RSRC1: variants seen among roughly 807,000 people sequenced by gnomAD.
RSRC1 encodes arginine and serine rich coiled-coil 1.
A neutral mutation model predicts 49.1 loss-of-function variants in RSRC1; 39 were observed. That is an observed-to-expected ratio of 0.79 (90% CI 0.61 to 1.04). The LOEUF is 1.04. Among genes scored for constraint, RSRC1 ranks in the 50% least tolerant of loss-of-function variants. The probability of loss-of-function intolerance (pLI) is 0.00; values close to 1 mark genes in which losing one functional copy is unlikely to be tolerated. For synonymous variants in RSRC1, 143 were observed against 130.8 expected, an observed-to-expected ratio of 1.09 and a Z score of -0.63; for missense variants, 388 against 402.4, an observed-to-expected ratio of 0.96 and a Z score of 0.31.
chr3:158,170,959 A>C (rs1225181083), intron 3 of RSRC1, among the ~76,000 whole-genome samples: 1 of 152,026 alleles, frequency 6.6e-6, no homozygotes, highest in African/African-American at 2.4e-5. Flanking sequence ...GGTAGCTCAG[A>C]CTCCAAGAAA....
At chr3:158,124,129 G>T (rs886466974) in intron 3 of RSRC1, 138 bp downstream of exon 3, 13 of 512,608 alleles carry the variant, frequency 2.5e-5, no homozygotes, top group Non-Finnish European at 9.5e-6. Context: ...CTCACCTGGG[G>T]TCATTCATGC....
intron 4 of RSRC1, among the ~76,000 whole-genome samples, chr3:158,287,587 ATTG>A (rs1373200155): frequency 6.6e-6 from 1 of 152,182 alleles, no homozygotes; most frequent in Non-Finnish European, 1.5e-5. Flanking sequence ...AAGTTAGCTT[ATTG>A]TTCATCTGTA....
Position 158,543,395 on chromosome 3 carries a change from G to C in RSRC1, c.820G>C (p.Ala274Pro). Residue 274 changes from alanine (A) to proline (P), a missense_variant, in exon 9 of 10, where the codon GCT becomes CCT. Coordinates refer to ENST00000611884, the MANE Select transcript of RSRC1 (RefSeq NM_001271838.2). ...TSTSGPASAV[A>P]DPPSTEKEID... ...AACATCAGGACCAGCATCAGCAGTT[G>C]CTGATCCACCCAGTACTGAAAAAGA... 1.2e-6 allele frequency: 2 copies of C among 1,601,786 alleles called. No individual in the cohort carries two copies. Among genetic ancestry groups the C allele is most frequent in the Non-Finnish European group, 1.7e-6 (2 of 1,174,750 alleles).
intron 6 of RSRC1, among the ~76,000 whole-genome samples, chr3:158,389,420 G>C (rs1733151180): frequency 6.6e-6 from 1 of 152,142 alleles, no homozygotes; most frequent in South Asian, 2.1e-4. Context: ...TATTCAGCTA[G>C]ATATTGTCAA....
chr3:158,444,707 C>G (rs1736591159), intron 6 of RSRC1, among the ~76,000 whole-genome samples: 1 of 152,138 alleles, frequency 6.6e-6, no homozygotes, highest in African/African-American at 2.4e-5. Flanking sequence ...AAACTACCAT[C>G]AGAGTGAACA....
chr3:158,535,252 TTATTAA>T (rs1312265742), intron 7 of RSRC1, among the ~76,000 whole-genome samples: 3 of 151,386 alleles, frequency 2.0e-5, no homozygotes, highest in Non-Finnish European at 1.5e-5. Flanking sequence ...ATACATCTTG[TTATTAA>T]TAGTAATGTT....
rs369321021 is a variant in RSRC1, at chr3:158,203,089, G to A, written c.338G>A (p.Arg113His). The A allele has an allele frequency of 5.5e-5, 89 of 1,612,640 alleles. No homozygotes were observed. The South Asian group carries it at 8.6e-4, about 16-fold the overall frequency. The change falls in exon 4 of 10, where the codon CGT becomes CAT. Residue 113 changes from arginine to histidine, a missense_variant. Transcript: ENST00000611884. Reference sequence around the variant, plus strand: ...TACTGTAGGTCCAGGTCAAGACCTCGTCTCCGTTCTCATAGTCGTAGCAGT... The same window carrying A: ...TACTGTAGGTCCAGGTCAAGACCTCATCTCCGTTCTCATAGTCGTAGCAGT... ...SRTRRSRSRP[R>H]LRSHSRSSER...
chr3:158,117,121 C>A (rs1714888434), intron 1 of RSRC1, among the ~76,000 whole-genome samples: 1 of 152,086 alleles, frequency 6.6e-6, no homozygotes, highest in East Asian at 1.9e-4. Flanking sequence ...AGGCTAGTCT[C>A]CGTTGTTTTC....
At chr3:158,382,044 C>T (rs919525459) in intron 6 of RSRC1, among the ~76,000 whole-genome samples, 9 of 152,072 alleles carry the variant, frequency 5.9e-5, no homozygotes, top group African/African-American at 1.4e-4. Flanking sequence ...CAGCTTACAA[C>T]ACAAACACAT....
intron 3 of RSRC1, among the ~76,000 whole-genome samples, chr3:158,186,038 T>C (rs1719907356): frequency 2.0e-5 from 3 of 151,978 alleles, no homozygotes; most frequent in South Asian, 4.1e-4. Context: ...GTTTTCCACA[T>C]GTTTTCTTTC....
At chr3:158,387,004 A>G (rs1733003032) in intron 6 of RSRC1, among the ~76,000 whole-genome samples, 1 of 152,102 alleles carries the variant, frequency 6.6e-6, no homozygotes, top group Non-Finnish European at 1.5e-5. Flanking sequence ...CTTGTTTTAT[A>G]TAACAAAATA....
rs1576616011 is a variant in RSRC1, at chr3:158,538,427, T to C, written c.759+1229T>C. 2.0e-5 allele frequency among the ~76,000 whole-genome samples: 3 copies of C among 151,874 alleles called. No individual in the cohort carries two copies. In the South Asian group the frequency reaches 6.2e-4, roughly 31 times the overall value. ...AAATGTAGTTGCCCATTTTATTTAA[T>C]CTTATTCTTACATATTATCAGGCCA... is the stretch of plus-strand genomic sequence containing the variant. On this transcript the variant is annotated intron_variant, in intron 8 of 9. Transcript: ENST00000611884.
intron 6 of RSRC1, among the ~76,000 whole-genome samples, chr3:158,398,131 G>A (rs558040225): frequency 7.3e-4 from 111 of 152,150 alleles, no homozygotes; most frequent in African/African-American, 2.6e-3. Flanking sequence ...TTATGGAGGG[G>A]TATGTCAGGC....
At chr3:158,178,224 C>T (rs1719362282) in intron 3 of RSRC1, among the ~76,000 whole-genome samples, 1 of 152,080 alleles carries the variant, frequency 6.6e-6, no homozygotes, top group Non-Finnish European at 1.5e-5. Flanking sequence ...CTGCAACTTG[C>T]ACCTCCCAGG....
At chr3:158,387,178 C>T (rs1176858452) in intron 6 of RSRC1, among the ~76,000 whole-genome samples, 1 of 152,026 alleles carries the variant, frequency 6.6e-6, no homozygotes, top group African/African-American at 2.4e-5. Flanking sequence ...TAAGGATTAT[C>T]TTTGATAAAC....
At chr3:158,191,294 T>C (rs1184134273) in intron 3 of RSRC1, among the ~76,000 whole-genome samples, 1 of 152,136 alleles carries the variant, frequency 6.6e-6, no homozygotes, top group Non-Finnish European at 1.5e-5. Context: ...GGAATCCATG[T>C]TATTTTTGTT....
intron 6 of RSRC1, among the ~76,000 whole-genome samples, chr3:158,376,916 T>C (rs1732408846): frequency 6.6e-6 from 1 of 152,180 alleles, no homozygotes; most frequent in South Asian, 2.1e-4. Context: ...ATGTACCAAG[T>C]GCATTTGAAG....
intron 6 of RSRC1, among the ~76,000 whole-genome samples, chr3:158,393,005 T>C (rs1733403695): frequency 6.6e-6 from 1 of 152,010 alleles, no homozygotes; most frequent in African/African-American, 2.4e-5. Context: ...AAAATAGAAA[T>C]CAATACTAAG....
chr3:158,488,456 C>T (rs1738924200), intron 7 of RSRC1, among the ~76,000 whole-genome samples: 1 of 152,058 alleles, frequency 6.6e-6, no homozygotes, highest in Non-Finnish European at 1.5e-5. Flanking sequence ...TGTGACCTGC[C>T]ATCCATGTTC....
Sources: gnomAD v4.1 joint callset for allele counts (sites outside exome capture counted in the v4.1 genomes callset) on GRCh38, gnomAD v4.1.1 for gene constraint, MANE v1.5 for transcripts, NCBI Gene and HGNC (gene_info 2026-07-23, HGNC 2026-07-21) for gene names.